KRT222: variants seen among roughly 807,000 people sequenced by gnomAD.
The protein encoded by KRT222 is keratin-like protein KRT222.
Under a neutral mutation model 35.0 loss-of-function variants are expected in KRT222, and 23 were observed. The ratio of observed to expected loss-of-function variants is 0.66; its 90% CI spans 0.47 to 0.93. The LOEUF (loss-of-function observed/expected upper bound fraction) is 0.93. KRT222 is among the 40% of genes least tolerant of loss of function. The pLI is 0.00. For synonymous variants in KRT222, 108 were observed against 118.8 expected (o/e 0.91, Z 0.59); for missense variants, 339 against 346.3 (o/e 0.98, Z 0.17).
In KRT222 at chr17:40,665,157, G is replaced by C. The variant is rs548804783; in HGVS notation, c.-58C>G. ...CCTTATCGATAGGATGAGTCGCTGC[G>C]GCAGTCTGCTCGGTCTGCGCGGAAG... On this transcript the variant is annotated 5_prime_UTR_variant, in exon 1 of 6. Transcript: ENST00000394052. 1.4e-5 allele frequency: 22 copies of C among 1,524,472 alleles called. No homozygotes were observed. In the Admixed American group the frequency reaches 2.0e-4, roughly 14 times the overall value. 94.4% of individuals were successfully genotyped at this position (1,524,472 alleles called of 1,614,324 possible). A position where few individuals can be genotyped will look rare whatever the true frequency, so the allele number is the denominator to read the frequency against.
At position 40,660,218 on chromosome 17, in the gene KRT222, T is replaced by C. The variant is rs778377118; in HGVS notation, c.226-11A>G. The C allele has an allele frequency of 6.2e-6, 10 of 1,604,030 alleles. No homozygotes were observed. The East Asian group carries it at 8.9e-5, about 14-fold the overall frequency. On this transcript the variant is annotated splice_polypyrimidine_tract_variant and intron_variant, in intron 2 of 5. Transcript: ENST00000394052. ...TTCAAGGCCCCTTTCCTGTTTTATA[T>C]AGATTTTCATCAGTGAATCAGTAAC...
intron 1 of KRT222, 106 bp downstream of exon 1, chr17:40,664,898 T>A (rs2144036953): frequency 6.4e-7 from 1 of 1,566,524 alleles, no homozygotes. Context: ...CAATAGATGC[T>A]GCATCGAAAA....
chr17:40,665,167 T>TCGGTCTGC lies in KRT222; in HGVS notation c.-76_-69dup. 6 of 1,461,946 alleles carry TCGGTCTGC rather than the reference T, an allele frequency of 4.1e-6. No individual in the cohort carries two copies. In the South Asian group the frequency reaches 6.8e-5, roughly 17 times the overall value. The allele number at this position is 1,461,946 out of a possible 1,614,324, so 90.6% of individuals were successfully genotyped here. On this transcript the variant is annotated 5_prime_UTR_variant, in exon 1 of 6. Coordinates refer to ENST00000394052, the MANE Select transcript of KRT222 (RefSeq NM_152349.3). The stretch of plus-strand genomic sequence containing the variant: ...AGGATGAGTCGCTGCGGCAGTCTGC[T>TCGGTCTGC]CGGTCTGCGCGGAAGGCAGGGAGCC...
chr17:40,663,493 G>A (rs1463162424), intron 1 of KRT222, among the ~76,000 whole-genome samples: 1 of 152,200 alleles, frequency 6.6e-6, no homozygotes, highest in Non-Finnish European at 1.5e-5. Context: ...CTGAGGCTAC[G>A]TGAAGTGAGA....
intron 3 of KRT222, among the ~76,000 whole-genome samples, chr17:40,659,019 T>C (rs1302736304): frequency 6.6e-6 from 1 of 152,204 alleles, no homozygotes; most frequent in Admixed American, 6.5e-5. Flanking sequence ...GGGTGAGCCC[T>C]TGATCAGGGG....
At chr17:40,657,230 ACAGTATACT>A in intron 5 of KRT222, 113 bp downstream of exon 5, 1 of 706,304 alleles carries the variant, frequency 1.4e-6, no homozygotes, top group Non-Finnish European at 2.0e-6. Flanking sequence ...AAAAAAAATC[ACAGTATACT>A]AAAACTATGT....
rs770115137 is a variant in KRT222, at chr17:40,657,338, G to T, written c.659+14C>A. On this transcript the variant is annotated intron_variant, in intron 5 of 5. Coordinates refer to ENST00000394052, the MANE Select transcript of KRT222 (RefSeq NM_152349.3). Reference sequence around the variant, plus strand: ...TATTTATTATTATTTCTTAGTCAAAGTTTCTTTACTTACTGAATAGTGCCA... The same window carrying T: ...TATTTATTATTATTTCTTAGTCAAATTTTCTTTACTTACTGAATAGTGCCA... The T allele has an allele frequency of 6.6e-7, 1 of 1,506,342 alleles. No homozygotes were observed. Among genetic ancestry groups the T allele is most frequent in the South Asian group, 1.4e-5 (1 of 71,854 alleles). 93.3% of individuals were successfully genotyped at this position (1,506,342 alleles called of 1,614,324 possible). A position where few individuals can be genotyped will look rare whatever the true frequency, so the allele number is the denominator to read the frequency against.
chr17:40,656,290 A>G lies in KRT222; in HGVS notation c.*112T>C. 1.4e-6 allele frequency: 1 copy of G among 702,090 alleles called. No individual in the cohort carries two copies. The highest frequency in any genetic ancestry group is 2.5e-6 in the Non-Finnish European group (1 of 400,448). 43.5% of individuals were successfully genotyped at this position (702,090 alleles called of 1,614,324 possible). On this transcript the variant is annotated 3_prime_UTR_variant, in exon 6 of 6. Coordinates refer to ENST00000394052, the MANE Select transcript of KRT222 (RefSeq NM_152349.3). Reference sequence around the variant, plus strand: ...TTCTGAAGAGAACCACATATTGATCATAACATTTTCCATACATACGTAATA... The same window carrying G: ...TTCTGAAGAGAACCACATATTGATCGTAACATTTTCCATACATACGTAATA...
Position 40,665,160 on chromosome 17 carries a change from A to AGT in KRT222, c.-63_-62dup. ...TATCGATAGGATGAGTCGCTGCGGC[A>AGT]GTCTGCTCGGTCTGCGCGGAAGGCA... On this transcript the variant is annotated 5_prime_UTR_variant, in exon 1 of 6. Transcript: ENST00000394052. The AGT allele has an allele frequency of 6.6e-7, 1 of 1,516,060 alleles. No individual in the cohort carries two copies. Among genetic ancestry groups the AGT allele is most frequent in the Non-Finnish European group, 9.1e-7 (1 of 1,094,490 alleles). The allele number at this position is 1,516,060 out of a possible 1,614,324, so 93.9% of individuals were successfully genotyped here.
At chr17:40,664,933 C>G (rs779918226) in intron 1 of KRT222, 71 bp downstream of exon 1, 7 of 1,607,848 alleles carry the variant, frequency 4.4e-6, no homozygotes, top group Non-Finnish European at 5.9e-6. Flanking sequence ...TCAGAGAGGC[C>G]GGGACAGGAA....
intron 3 of KRT222, among the ~76,000 whole-genome samples, chr17:40,659,217 G>A (rs1026501649): frequency 4.0e-5 from 6 of 150,352 alleles, no homozygotes; most frequent in East Asian, 2.0e-4. Flanking sequence ...GTGCAGTGGC[G>A]CAGTCTCGGC....
chr17:40,660,467 G>A (rs2037375903), intron 2 of KRT222, among the ~76,000 whole-genome samples: 2 of 151,834 alleles, frequency 1.3e-5, no homozygotes, highest in African/African-American at 2.4e-5. Flanking sequence ...CTTTAGTAGA[G>A]GCGGGGTTTC....
rs938004950 is a variant in KRT222 at position 40,661,851 on chromosome 17, TC to T, written c.225+64del. On this transcript the variant is annotated intron_variant, in intron 2 of 5. Transcript: ENST00000394052. ...GGTAAATAAACAGACATTCATCTTT[TC>T]CTTCTCTTAATCAAATCACATCTGA... The T allele has an allele frequency of 3.2e-6, 5 of 1,550,322 alleles. No individual in the cohort carries two copies. In the African/African-American group the frequency reaches 6.9e-5, roughly 21 times the overall value.
intron 2 of KRT222, 88 bp from the exon 3 acceptor site, chr17:40,660,295 T>G: frequency 9.0e-7 from 1 of 1,109,592 alleles, no homozygotes; most frequent in South Asian, 1.5e-5. Flanking sequence ...TTTTTTTTTT[T>G]TTTGAGATGG....
rs968183364 is a variant in KRT222, at chr17:40,655,304, T to C, written c.*1098A>G. 2 of 151,904 alleles carry C rather than the reference T, an allele frequency of 1.3e-5. No homozygotes were observed. The highest frequency in any genetic ancestry group is 4.8e-5 in the African/African-American group (2 of 41,422). 9.4% of individuals were successfully genotyped at this position (151,904 alleles called of 1,614,324 possible). Reference sequence around the variant, plus strand: ...TATTAAGATCTTAAATATACCTGTATTAAACAAATTAGGTTATTTTAAAAA... The same window carrying C: ...TATTAAGATCTTAAATATACCTGTACTAAACAAATTAGGTTATTTTAAAAA... On this transcript the variant is annotated 3_prime_UTR_variant, in exon 6 of 6. Transcript: ENST00000394052.
At chr17:40,662,854 A>T (rs1253395254) in intron 1 of KRT222, among the ~76,000 whole-genome samples, 1 of 152,122 alleles carries the variant, frequency 6.6e-6, no homozygotes, top group Admixed American at 6.5e-5. Flanking sequence ...AATGTATAGA[A>T]TTGATTGTAG....
intron 3 of KRT222, among the ~76,000 whole-genome samples, chr17:40,658,333 A>G (rs2037359316): frequency 6.6e-6 from 1 of 152,158 alleles, no homozygotes; most frequent in South Asian, 2.1e-4. Flanking sequence ...ACAACCATTC[A>G]TTTTATTTAA....
intron 3 of KRT222, among the ~76,000 whole-genome samples, chr17:40,659,015 G>A (rs1018018404): frequency 5.3e-5 from 8 of 152,174 alleles, no homozygotes; most frequent in Non-Finnish European, 1.0e-4. Flanking sequence ...TATAGGGTGA[G>A]CCCTTGATCA....
chr17:40,659,154 TC>T (rs2037364740), intron 3 of KRT222, among the ~76,000 whole-genome samples: 2 of 136,568 alleles, frequency 1.5e-5, no homozygotes, highest in African/African-American at 5.2e-5. Flanking sequence ...TCTCTCTCTC[TC>T]TCTTTTTTTT....
Sources: gnomAD v4.1 joint callset for allele counts (sites outside exome capture counted in the v4.1 genomes callset) on GRCh38, gnomAD v4.1.1 for gene constraint, MANE v1.5 for transcripts, NCBI Gene and HGNC (gene_info 2026-07-23, HGNC 2026-07-21) for gene names.